TSNARE1: variants seen among roughly 807,000 people sequenced by gnomAD.
TSNARE1 encodes the protein t-SNARE domain-containing protein 1.
TSNARE1 carries 49 observed loss-of-function variants against 62.0 expected under a neutral mutation model. That is an observed-to-expected ratio of 0.79 (90% confidence interval 0.63 to 1.00). The LOEUF is 1.00. Among genes scored for constraint, TSNARE1 ranks in the 50% least tolerant of loss-of-function variants. TSNARE1 has a pLI of 0.00. For missense variants in TSNARE1, 755 were observed against 700.1 expected, an observed-to-expected ratio of 1.08 and a Z score of -0.88; for synonymous variants, 328 against 294.4, an observed-to-expected ratio of 1.11 and a Z score of -1.17.
At chr8:142,306,488 C>A (rs1469343413) in intron 9 of TSNARE1, among the ~76,000 whole-genome samples, 1 of 152,232 alleles carries the variant, frequency 6.6e-6, no homozygotes, top group Non-Finnish European at 1.5e-5. Context: ...CAAGCTGGGT[C>A]TGAGACTGAC....
chr8:142,291,041 C>T lies in TSNARE1; in HGVS notation c.1291-6556G>A, dbSNP rs1456594773. Among the ~76,000 whole-genome samples the T allele has an allele frequency of 3.9e-5, 6 of 152,092 alleles. No homozygotes were observed. Among genetic ancestry groups the T allele is most frequent in the South Asian group, 2.1e-4 (1 of 4,826 alleles). On this transcript the variant is annotated intron_variant, in intron 10 of 13. Transcript: ENST00000524325. This position sits in a 1 kb window ranked among gnomAD's most constrained non-coding sequence, Gnocchi z 4.8. ...CGCTGGCAGTGGACTGAAGGGCACG[C>T]GCCTGTTCCCTCCAACCTCTCCTGC...
At chr8:142,323,447 C>T (rs542974701) in intron 6 of TSNARE1, among the ~76,000 whole-genome samples, 83 of 152,304 alleles carry the variant, frequency 5.4e-4, no homozygotes, top group Non-Finnish European at 1.0e-3. Context: ...GGAACTTCTG[C>T]CTGTCGCCAA....
At chr8:142,335,016 A>C (rs1215497286) in intron 4 of TSNARE1, among the ~76,000 whole-genome samples, 2 of 152,256 alleles carry the variant, frequency 1.3e-5, no homozygotes, top group Non-Finnish European at 2.9e-5. Flanking sequence ...GGTAAATAGA[A>C]AAAAGATACG....
chr8:142,269,549 G>T, intron 12 of TSNARE1: 1 of 983,086 alleles, frequency 1.0e-6, no homozygotes, highest in Non-Finnish European at 1.2e-6. Context: ...GGCTGGTCTC[G>T]AACTCCTGGC....
intron 13 of TSNARE1, among the ~76,000 whole-genome samples, chr8:142,218,089 G>A (rs1276155119): frequency 5.0e-5 from 3 of 59,438 alleles, no homozygotes; most frequent in Admixed American, 1.4e-4. Context: ...TCAGAGAGTG[G>A]CCAGGTCAGG....
At chr8:142,268,036 G>A (rs1819230947) in intron 12 of TSNARE1, among the ~76,000 whole-genome samples, 1 of 152,178 alleles carries the variant, frequency 6.6e-6, no homozygotes, top group African/African-American at 2.4e-5. Context: ...CAAGAGAAGG[G>A]GTTTCCAGGC....
At chr8:142,255,072 AG>A (rs1818356620) in intron 12 of TSNARE1, among the ~76,000 whole-genome samples, 2 of 152,022 alleles carry the variant, frequency 1.3e-5, no homozygotes, top group Non-Finnish European at 2.9e-5. Flanking sequence ...AGAGAACAGC[AG>A]GGGGCAAGAG....
chr8:142,267,125 T>G (rs1469228909), intron 12 of TSNARE1, among the ~76,000 whole-genome samples: 1 of 152,256 alleles, frequency 6.6e-6, no homozygotes, highest in East Asian at 1.9e-4. Flanking sequence ...AGCTAAAATC[T>G]TTTGGGGTCT....
intron 6 of TSNARE1, among the ~76,000 whole-genome samples, chr8:142,327,158 A>C (rs1207207427): frequency 6.6e-6 from 1 of 152,228 alleles, no homozygotes; most frequent in African/African-American, 2.4e-5. Flanking sequence ...GCAAACACCT[A>C]CCGCAAACAT....
At chr8:142,357,899 G>A (rs756491059) in intron 1 of TSNARE1, among the ~76,000 whole-genome samples, 4 of 152,212 alleles carry the variant, frequency 2.6e-5, no homozygotes, top group East Asian at 1.9e-4. Flanking sequence ...CGAAAGCCAC[G>A]GCGGAGGCTC....
At chr8:142,378,066 C>T (rs1174152074) in intron 1 of TSNARE1, among the ~76,000 whole-genome samples, 1 of 152,178 alleles carries the variant, frequency 6.6e-6, no homozygotes, top group African/African-American at 2.4e-5. Flanking sequence ...CCTGATCCAG[C>T]CACTGACACC....
intron 12 of TSNARE1, among the ~76,000 whole-genome samples, chr8:142,240,528 A>G (rs1692500568): frequency 6.6e-6 from 1 of 152,214 alleles, no homozygotes; most frequent in African/African-American, 2.4e-5. Flanking sequence ...CTTTCCATGC[A>G]CTAATTAAAG....
chr8:142,395,407 C>T (rs547592212), intron 1 of TSNARE1, among the ~76,000 whole-genome samples: 2 of 152,216 alleles, frequency 1.3e-5, no homozygotes, highest in African/African-American at 4.8e-5. Flanking sequence ...GGTCACCAGT[C>T]GGGGCCACTC....
At chr8:142,309,885 TG>T (rs1827295611) in intron 9 of TSNARE1, among the ~76,000 whole-genome samples, 1 of 152,192 alleles carries the variant, frequency 6.6e-6, no homozygotes, top group Non-Finnish European at 1.5e-5. Flanking sequence ...GAGTTTTCTT[TG>T]TGGGATATTT....
intron 12 of TSNARE1, among the ~76,000 whole-genome samples, chr8:142,238,757 A>C (rs62512624): frequency 1.6e-4 from 13 of 82,914 alleles, no homozygotes; most frequent in Non-Finnish European, 2.2e-4. Context: ...CTGCACGCCC[A>C]CCCCTGCACG....
At chr8:142,338,270 G>A (rs1037318608) in intron 4 of TSNARE1, among the ~76,000 whole-genome samples, 6 of 152,318 alleles carry the variant, frequency 3.9e-5, no homozygotes, top group Admixed American at 2.6e-4. Context: ...CGCTGCAGAC[G>A]AAGGCCTCTG....
rs1396715914 is a variant in TSNARE1, at chr8:142,291,938, C to T, written c.1291-7453G>A. On this transcript the variant is annotated intron_variant, in intron 10 of 13. Transcript: ENST00000524325. The surrounding 1 kb of genome is among the most constrained non-coding windows in gnomAD (Gnocchi z 4.8). ...GGAGTACGGGGTCAGCTGCCTCTCC[C>T]GTGGACGGTCACAGCAACGCACGCC... Among the ~76,000 whole-genome samples the T allele has an allele frequency of 1.3e-5, 2 of 151,936 alleles. No individual in the cohort carries two copies. The highest frequency in any genetic ancestry group is 2.1e-4 in the South Asian group (1 of 4,814).
intron 12 of TSNARE1, among the ~76,000 whole-genome samples, chr8:142,260,344 C>T (rs1447111039): frequency 2.6e-5 from 4 of 151,988 alleles, no homozygotes; most frequent in East Asian, 3.9e-4. Flanking sequence ...GGAAGAAAAG[C>T]GAGTCGGGAA....
At chr8:142,246,866 A>G (rs1473289843) in intron 12 of TSNARE1, among the ~76,000 whole-genome samples, 3 of 152,064 alleles carry the variant, frequency 2.0e-5, no homozygotes, top group Non-Finnish European at 4.4e-5. Flanking sequence ...CATCAGCACC[A>G]CCCTGAGAAT....
Sources: gnomAD v4.1 joint callset for allele counts (sites outside exome capture counted in the v4.1 genomes callset) on GRCh38, gnomAD v4.1.1 for gene constraint, Gnocchi (gnomAD v3.1) non-coding constraint, MANE v1.5 for transcripts, NCBI Gene and HGNC (gene_info 2026-07-23, HGNC 2026-07-21) for gene names.